Variants in IHO1 observed in about 807,000 individuals in gnomAD.
IHO1 encodes interactor of HORMAD1 protein 1.
In IHO1, 13 loss-of-function variants were observed where a neutral mutation model predicts 31.0. That is an observed-to-expected ratio of 0.42 (90% CI 0.27 to 0.67). The LOEUF (loss-of-function observed/expected upper bound fraction) is 0.67. Among genes scored for constraint, IHO1 ranks in the 30% least tolerant of loss-of-function variants. The probability of loss-of-function intolerance (pLI) is 0.24; values close to 1 mark genes in which losing one functional copy is unlikely to be tolerated. For missense variants in IHO1, 599 were observed against 687.5 expected (o/e 0.87, Z 1.44); for synonymous variants, 221 against 248.4 (o/e 0.89, Z 1.04).
upstream of IHO1, among the ~76,000 whole-genome samples, chr3:49,195,751 A>G (rs146626096): frequency 5.0e-3 from 765 of 151,716 alleles, 8 homozygotes; most frequent in African/African-American, 0.018. Context: ...AATAAATAAT[A>G]AATAAATATA....
intron 6 of IHO1, among the ~76,000 whole-genome samples, chr3:49,251,445 C>A (rs925953269): frequency 9.8e-5 from 14 of 143,240 alleles, no homozygotes; most frequent in East Asian, 4.3e-4. Flanking sequence ...ATCACCATGC[C>A]CAGCTAATTT....
chr3:49,236,700 A>C lies in IHO1; in HGVS notation c.209A>C (p.Gln70Pro). Residue 70 changes from glutamine (Q) to proline (P), a missense_variant, in exon 3 of 8, where the codon CAG becomes CCG. Gln to Pro is a moderately conservative substitution (Grantham distance 76). Coordinates refer to ENST00000452691, the MANE Select transcript of IHO1 (RefSeq NM_001135197.2). The stretch of plus-strand genomic sequence containing the variant: ...GGTGCCCACTTGAGACATTCAAAAC[A>C]GTCACAACAGAACTATCTGGAGGTG... The part of the protein sequence containing the change: ...DFGAHLRHSK[Q>P]SQQNYLEGEP... The C allele has an allele frequency of 1.2e-6, 2 of 1,613,810 alleles. No homozygotes were observed. The highest frequency in any genetic ancestry group is 1.7e-6 in the Non-Finnish European group (2 of 1,179,922).
chr3:49,250,927 G>A (rs911276770), intron 6 of IHO1, among the ~76,000 whole-genome samples: 6 of 151,942 alleles, frequency 3.9e-5, no homozygotes, highest in Non-Finnish European at 8.8e-5. Context: ...AGGAGGCTGA[G>A]GCAGGAGAAT....
chr3:49,236,538 T>C lies in IHO1; in HGVS notation c.57-10T>C. 1 of 1,593,722 alleles carries C rather than the reference T, an allele frequency of 6.3e-7. No homozygotes were observed. The highest frequency in any genetic ancestry group is 2.2e-5 in the East Asian group (1 of 44,682). On this transcript the variant is annotated splice_polypyrimidine_tract_variant and intron_variant, in intron 2 of 7. Transcript: ENST00000452691. ...GTCTATTTGATACACTTTTTTTTGC[T>C]AAATTTCAGGAACAAGAAGTCATCC... is the stretch of plus-strand genomic sequence containing the variant.
intron 2 of IHO1, among the ~76,000 whole-genome samples, chr3:49,227,051 A>G (rs1220059883): frequency 1.3e-5 from 2 of 152,124 alleles, no homozygotes; most frequent in African/African-American, 2.4e-5. Flanking sequence ...TAGGATATGG[A>G]GGTAAGCTGA....
Position 49,256,685 on chromosome 3 carries a change from G to T in IHO1, c.1188G>T (p.Leu396Phe). 6.2e-7 allele frequency: 1 copy of T among 1,614,186 alleles called. No homozygotes were observed. Among genetic ancestry groups the T allele is most frequent in the Non-Finnish European group, 8.5e-7 (1 of 1,180,038 alleles). ...AAGGAGCCTCACAGCTCACATCATT[G>T]GAGATAAACTTTTCAACCAGCATTA... ...VSQGASQLTS[L>F]EINFSTSIKN... The change falls in exon 8 of 8, where the codon TTG becomes TTT. Residue 396 changes from leucine to phenylalanine, a missense_variant. Physicochemically the swap from Leu to Phe is conservative, Grantham distance 22. Coordinates refer to ENST00000452691, the MANE Select transcript of IHO1 (RefSeq NM_001135197.2). The surrounding 1 kb of genome is among the most constrained non-coding windows in gnomAD (Gnocchi z 4.6).
chr3:49,249,428 G>T (rs1427753887), intron 6 of IHO1, among the ~76,000 whole-genome samples: 2 of 151,840 alleles, frequency 1.3e-5, no homozygotes, highest in Non-Finnish European at 2.9e-5. Context: ...ACACCACCAC[G>T]CCCAGCTAAA....
At chr3:49,234,079 G>T (rs1391729780) in intron 2 of IHO1, among the ~76,000 whole-genome samples, 5 of 149,230 alleles carry the variant, frequency 3.4e-5, no homozygotes, top group Non-Finnish European at 7.4e-5. Context: ...GTTCGGGGCT[G>T]AGAAAAAAAA....
intron 2 of IHO1, among the ~76,000 whole-genome samples, chr3:49,214,263 T>C (rs1032446983): frequency 6.6e-6 from 1 of 151,974 alleles, no homozygotes; most frequent in African/African-American, 2.4e-5. Flanking sequence ...TACAGTGCAG[T>C]TTATGGGTAC....
At chr3:49,235,493 G>C (rs2046548048) in intron 2 of IHO1, among the ~76,000 whole-genome samples, 1 of 151,334 alleles carries the variant, frequency 6.6e-6, no homozygotes, top group South Asian at 2.1e-4. Context: ...CTCCCAAAGT[G>C]CTGGGATTAC....
chr3:49,197,704 G>A (rs1465021347), upstream of IHO1, among the ~76,000 whole-genome samples: 1 of 151,660 alleles, frequency 6.6e-6, no homozygotes, highest in Non-Finnish European at 1.5e-5. Flanking sequence ...GAGAAACCCT[G>A]TCTCTACTAA....
intron 6 of IHO1, chr3:49,245,019 C>T: frequency 1.7e-6 from 1 of 577,382 alleles, no homozygotes; most frequent in Admixed American, 3.0e-5. Context: ...GGTTTCTCAT[C>T]TCACTGCCTG....
Position 49,257,682 on chromosome 3 carries a change from A to T in IHO1, c.*400A>T, listed in dbSNP as rs2046841760. 1 of 175,102 alleles carries T rather than the reference A, an allele frequency of 5.7e-6. No individual in the cohort carries two copies. Among genetic ancestry groups the T allele is most frequent in the South Asian group, 1.4e-4 (1 of 7,120 alleles). 10.8% of individuals were successfully genotyped at this position (175,102 alleles called of 1,614,324 possible). On this transcript the variant is annotated 3_prime_UTR_variant, in exon 8 of 8. Coordinates refer to ENST00000452691, the MANE Select transcript of IHO1 (RefSeq NM_001135197.2). ...CCAAACAACATTTTTGGGTCTTTAA[A>T]ATATTCCCTACACATGACCAATACA...
intron 1 of IHO1, among the ~76,000 whole-genome samples, chr3:49,209,095 G>C (rs1023756743): frequency 3.3e-5 from 5 of 152,256 alleles, no homozygotes; most frequent in Admixed American, 6.5e-5. Context: ...CACAAGTAAA[G>C]GCAGGATAAC....
At chr3:49,194,517 T>A (rs1330082916), upstream of IHO1, among the ~76,000 whole-genome samples, 1 of 146,800 alleles carries the variant, frequency 6.8e-6, no homozygotes, top group Non-Finnish European at 1.5e-5. Context: ...GGTCTCGATC[T>A]CCTGACCTCG....
intron 6 of IHO1, among the ~76,000 whole-genome samples, chr3:49,250,148 A>G (rs918278314): frequency 1.3e-5 from 2 of 152,220 alleles, no homozygotes; most frequent in African/African-American, 4.8e-5. Flanking sequence ...CCTATAATGT[A>G]TATACAGATA....
chr3:49,205,465 C>T (rs73084110), intron 1 of IHO1, among the ~76,000 whole-genome samples: 8 of 151,920 alleles, frequency 5.3e-5, no homozygotes, highest in African/African-American at 7.2e-5. Context: ...ATTACAGGCG[C>T]GTACCAACAC....
At chr3:49,191,545 T>C in the IHO1 span, 3 of 695,122 alleles carry the variant, frequency 4.3e-6, no homozygotes, top group Admixed American at 6.0e-5. Context: ...CCATGATGCA[T>C]GGAAGGGGGC....
intron 3 of IHO1, among the ~76,000 whole-genome samples, chr3:49,240,360 A>G (rs1335856020): frequency 6.6e-6 from 1 of 152,156 alleles, no homozygotes; most frequent in African/African-American, 2.4e-5. Flanking sequence ...AGTAGTTGGG[A>G]TTACAGGCGC....
Sources: gnomAD v4.1 joint callset for allele counts (sites outside exome capture counted in the v4.1 genomes callset) on GRCh38, gnomAD v4.1.1 for gene constraint, Gnocchi (gnomAD v3.1) non-coding constraint, MANE v1.5 for transcripts, NCBI Gene and HGNC (gene_info 2026-07-23, HGNC 2026-07-21) for gene names.